Variants in VPS13C observed in about 807,000 individuals in gnomAD.
VPS13C encodes vacuolar protein sorting 13 homolog C.
Under a neutral mutation model 456.8 loss-of-function variants are expected in VPS13C, and 358 were observed. The observed-to-expected ratio is 0.78, with a 90% confidence interval of 0.72 to 0.86. VPS13C has a LOEUF of 0.86. Ranked by LOEUF, VPS13C falls within the 40% of genes least tolerant of loss-of-function variation. The pLI, the probability that VPS13C is intolerant of heterozygous loss-of-function variation, is 0.00. For synonymous variants in VPS13C, 1,578 were observed against 1,486.7 expected (o/e 1.06, Z -1.41); for missense variants, 4,818 against 4,385.4 (o/e 1.10, Z -2.79).
intron 80 of VPS13C, among the ~76,000 whole-genome samples, chr15:61,869,039 C>T (rs1894801233): frequency 6.6e-6 from 1 of 151,994 alleles, no homozygotes; most frequent in South Asian, 2.1e-4. Flanking sequence ...CAGGGCTTGG[C>T]ACATGGTAGG....
At chr15:62,017,209 C>CA (rs2047286585) in intron 9 of VPS13C, among the ~76,000 whole-genome samples, 1 of 152,052 alleles carries the variant, frequency 6.6e-6, no homozygotes, top group South Asian at 2.1e-4. Context: ...GAGTAGGTTG[C>CA]AAAAATTTTC....
intron 51 of VPS13C, among the ~76,000 whole-genome samples, chr15:61,928,023 C>T (rs1303716020): frequency 7.0e-6 from 1 of 143,818 alleles, no homozygotes; most frequent in Admixed American, 7.2e-5. Context: ...AGGGGAACAA[C>T]ACACACCGGG....
At chr15:61,957,216 A>G (rs574343115) in intron 37 of VPS13C, among the ~76,000 whole-genome samples, 1 of 152,282 alleles carries the variant, frequency 6.6e-6, no homozygotes, top group African/African-American at 2.4e-5. Flanking sequence ...TAAATTCTGT[A>G]TGATTCCATG....
intron 1 of VPS13C, among the ~76,000 whole-genome samples, chr15:62,059,349 C>T (rs1223933815): frequency 1.3e-5 from 2 of 152,204 alleles, no homozygotes; most frequent in Non-Finnish European, 1.5e-5. Flanking sequence ...CAGATCCATA[C>T]ATTTGAGTCG....
At chr15:61,916,087 T>G (rs1270892245) in intron 60 of VPS13C, 65 bp from the exon 61 acceptor site, 4 of 1,483,272 alleles carry the variant, frequency 2.7e-6, no homozygotes, top group Non-Finnish European at 3.6e-6. Flanking sequence ...AATTCTTATT[T>G]TTCACAAATG....
At chr15:61,865,281 G>A in intron 81 of VPS13C, 1 of 980,818 alleles carries the variant, frequency 1.0e-6, no homozygotes, top group Non-Finnish European at 1.2e-6. Flanking sequence ...AATCTATAAT[G>A]ATGTTTATTA....
At chr15:61,947,870 A>T (rs2044658450) in intron 42 of VPS13C, among the ~76,000 whole-genome samples, 1 of 152,216 alleles carries the variant, frequency 6.6e-6, no homozygotes, top group East Asian at 1.9e-4. Flanking sequence ...AACTTAAAAA[A>T]TACCAAAAAA....
chr15:61,874,117 C>CA (rs779449031), intron 77 of VPS13C, among the ~76,000 whole-genome samples: 3 of 151,940 alleles, frequency 2.0e-5, no homozygotes, highest in Non-Finnish European at 4.4e-5. Context: ...TCACATCTGA[C>CA]AGCTAAAGAA....
At chr15:61,866,115 CAACT>C (rs1359944781) in intron 81 of VPS13C, 4 of 984,670 alleles carry the variant, frequency 4.1e-6, no homozygotes, top group South Asian at 9.4e-5. Context: ...TATTTTTACC[CAACT>C]AACTGATCAC....
At chr15:61,957,399 T>C (rs1345770110) in intron 37 of VPS13C, among the ~76,000 whole-genome samples, 1 of 152,146 alleles carries the variant, frequency 6.6e-6, no homozygotes, top group East Asian at 1.9e-4. Context: ...TATCCATATA[T>C]GCAAAAATTC....
At position 61,917,810 on chromosome 15, in the gene VPS13C, A is replaced by G. The variant is rs1371073016; in HGVS notation, c.7761-175T>C. Among the ~76,000 whole-genome samples, 6 of 152,114 alleles carry G rather than the reference A, an allele frequency of 3.9e-5. No homozygotes were observed. In the South Asian group the frequency reaches 1.2e-3, roughly 32 times the overall value. On this transcript the variant is annotated intron_variant, in intron 59 of 84. Transcript: ENST00000644861. ...GGTTAGGAAATTCACCCAAAATCAC[A>G]TAGCTAACTTACGGAGGACTTTCTG...
At chr15:61,891,652 T>A (rs2042654607) in intron 66 of VPS13C, among the ~76,000 whole-genome samples, 1 of 152,210 alleles carries the variant, frequency 6.6e-6, no homozygotes, top group Non-Finnish European at 1.5e-5. Context: ...AAGTTTTATA[T>A]GTTGATGCAA....
rs372533465 is a variant in VPS13C, at chr15:61,977,144, T to C, written c.2346A>G (p.Gln782=). 6 of 1,598,694 alleles carry C rather than the reference T, an allele frequency of 3.8e-6. No homozygotes were observed. In the African/African-American group the frequency reaches 8.1e-5, roughly 22 times the overall value. ...FQHPSTMHIL[Q]PMDIHVELAK... is the part of the protein sequence containing the mutation. ...CCAACTCAACATGAATATCCATGGG[T>C]TGCAATATATGCATAGTTGATGGAT... The change falls in exon 24 of 85, where the codon CAA becomes CAG. Residue 782 remains glutamine, a synonymous_variant. Transcript: ENST00000644861.
At position 61,996,990 on chromosome 15, in the gene VPS13C, C is replaced by CATATATAT. The variant is rs1416476981; in HGVS notation, c.1353+3573_1353+3574insATATATAT. Among the ~76,000 whole-genome samples, 346 of 139,948 alleles carry CATATATAT rather than the reference C, an allele frequency of 2.5e-3. 2 individuals are homozygous for CATATATAT. Among genetic ancestry groups the CATATATAT allele is most frequent in the East Asian group, 0.013 (59 of 4,604 alleles). The allele number at this position is 139,948 out of a possible 152,430, so 91.8% of individuals were successfully genotyped here. A position where few individuals can be genotyped will look rare whatever the true frequency, so the allele number is the denominator to read the frequency against. The stretch of plus-strand genomic sequence containing the variant: ...TTTTCATCCTTGCCTATATATTTTA[C>CATATATAT]ATACATACATATATATATATATGTA... On this transcript the variant is annotated intron_variant, in intron 16 of 84. Transcript: ENST00000644861.
At chr15:61,916,990 A>G (rs954535705) in intron 60 of VPS13C, among the ~76,000 whole-genome samples, 4 of 152,176 alleles carry the variant, frequency 2.6e-5, no homozygotes, top group African/African-American at 9.7e-5. Flanking sequence ...CAAAAAGCCA[A>G]ACTGCCTAGG....
At chr15:61,864,346 T>A (rs1894393735) in intron 81 of VPS13C, 1 of 891,148 alleles carries the variant, frequency 1.1e-6, no homozygotes, top group Admixed American at 6.2e-5. Context: ...TTTTCAGCTA[T>A]CTCAAAAGTA....
At chr15:62,016,495 C>T (rs2047254490) in intron 9 of VPS13C, among the ~76,000 whole-genome samples, 2 of 141,494 alleles carry the variant, frequency 1.4e-5, no homozygotes, top group South Asian at 4.5e-4. Flanking sequence ...TTGTTCAATT[C>T]CCACCTATGA....
intron 1 of VPS13C, among the ~76,000 whole-genome samples, 158 bp from the exon 2 acceptor site, chr15:62,044,413 A>T (rs186390351): frequency 6.6e-6 from 1 of 152,318 alleles, no homozygotes; most frequent in Non-Finnish European, 1.5e-5. Context: ...AATAGTTGCT[A>T]CATATGCTCA....
intron 45 of VPS13C, among the ~76,000 whole-genome samples, chr15:61,943,299 C>A (rs959506962): frequency 2.6e-5 from 4 of 151,952 alleles, no homozygotes; most frequent in Admixed American, 2.0e-4. Context: ...AAAAAAGAAC[C>A]CAAATAACCA....
Sources: gnomAD v4.1 joint callset for allele counts (sites outside exome capture counted in the v4.1 genomes callset) on GRCh38, gnomAD v4.1.1 for gene constraint, MANE v1.5 for transcripts, NCBI Gene and HGNC (gene_info 2026-07-23, HGNC 2026-07-21) for gene names.